Variants in GRM3 observed in about 807,000 individuals in gnomAD.
The protein encoded by GRM3 is metabotropic glutamate receptor 3.
In GRM3, 26 loss-of-function variants were observed where a neutral mutation model predicts 70.5. That is an observed-to-expected ratio of 0.37 (90% CI 0.27 to 0.51). The LOEUF (loss-of-function observed/expected upper bound fraction) is 0.51. Among genes scored for constraint, GRM3 ranks in the 20% least tolerant of loss-of-function variants. The pLI is 0.93. For missense variants in GRM3, 859 were observed against 1,123.8 expected, an observed-to-expected ratio of 0.76 and a Z score of 3.37; for synonymous variants, 443 against 434.9, an observed-to-expected ratio of 1.02 and a Z score of -0.23.
chr7:86,661,879 A>G (rs1793902664), intron 1 of GRM3, among the ~76,000 whole-genome samples: 1 of 151,888 alleles, frequency 6.6e-6, no homozygotes, highest in African/African-American at 2.4e-5. Context: ...ATTCCTCCAT[A>G]AAGCATAATA....
intron 1 of GRM3, among the ~76,000 whole-genome samples, chr7:86,704,466 A>G (rs1440368988): frequency 6.6e-6 from 1 of 151,942 alleles, no homozygotes; most frequent in Admixed American, 6.6e-5. Context: ...GAACAAAAAC[A>G]TACTTAATAT....
chr7:86,683,184 A>G (rs1794483076), intron 1 of GRM3, among the ~76,000 whole-genome samples: 2 of 152,178 alleles, frequency 1.3e-5, no homozygotes, highest in African/African-American at 4.8e-5. Context: ...TATCTCCTTG[A>G]CTATGACAGA....
At chr7:86,857,595 G>A (rs1464673962) in intron 5 of GRM3, among the ~76,000 whole-genome samples, 1 of 152,172 alleles carries the variant, frequency 6.6e-6, no homozygotes, top group East Asian at 1.9e-4. Context: ...TAAAGGTGAA[G>A]CTAACAGGAT....
chr7:86,648,649 T>C lies in GRM3; in HGVS notation c.-141+3777T>C, dbSNP rs1000546531. 4.6e-5 allele frequency among the ~76,000 whole-genome samples: 7 copies of C among 152,012 alleles called. No homozygotes were observed. The South Asian group carries it at 1.5e-3, about 32-fold the overall frequency. On this transcript the variant is annotated intron_variant, in intron 1 of 5. Coordinates refer to ENST00000361669, the MANE Select transcript of GRM3 (RefSeq NM_000840.3). The stretch of plus-strand genomic sequence containing the variant: ...CATTATGAAAAGTAAGCTTACATCA[T>C]GCATATATCAATGTGGAATGTATTT...
intron 1 of GRM3, among the ~76,000 whole-genome samples, chr7:86,708,478 C>T (rs1301931121): frequency 1.3e-5 from 2 of 152,166 alleles, no homozygotes; most frequent in Non-Finnish European, 2.9e-5. Flanking sequence ...GCATGTTGCC[C>T]TCCATTGAGG....
rs113974448 is a variant in GRM3 at position 86,651,638 on chromosome 7, G to A, written c.-141+6766G>A. On this transcript the variant is annotated intron_variant, in intron 1 of 5. Transcript: ENST00000361669. ...TTATGCATTAATCCCAGTGATTTCT[G>A]TGGAATCCACATATATGGACTGGTG... Among the ~76,000 whole-genome samples, 1,046 of 152,214 alleles carry A rather than the reference G, an allele frequency of 6.9e-3. 19 individuals are homozygous for A. Among genetic ancestry groups the A allele is most frequent in the African/African-American group, 0.024 (981 of 41,534 alleles).
chr7:86,655,820 C>T (rs1327802020), intron 1 of GRM3, among the ~76,000 whole-genome samples: 1 of 144,442 alleles, frequency 6.9e-6, no homozygotes, highest in Non-Finnish European at 1.5e-5. Flanking sequence ...AAGGCTAACT[C>T]TGTGTGTGTG....
At chr7:86,666,030 C>T (rs1356527756) in intron 1 of GRM3, among the ~76,000 whole-genome samples, 1 of 151,996 alleles carries the variant, frequency 6.6e-6, no homozygotes, top group Non-Finnish European at 1.5e-5. Context: ...GTAATCATAA[C>T]TTTCTGAGAG....
chr7:86,710,072 T>G (rs1584184406), intron 1 of GRM3: 1 of 152,228 alleles, frequency 6.6e-6, no homozygotes, highest in Non-Finnish European at 1.5e-5. Context: ...AAGCCAAATT[T>G]GAGTATGACC....
chr7:86,853,277 CG>C (rs1798787421), intron 5 of GRM3, among the ~76,000 whole-genome samples: 1 of 152,024 alleles, frequency 6.6e-6, no homozygotes, highest in Admixed American at 6.6e-5. Context: ...ATACCAGGTC[CG>C]GGTAAAATGT....
chr7:86,673,348 C>A (rs1048560300), intron 1 of GRM3, among the ~76,000 whole-genome samples: 4 of 152,086 alleles, frequency 2.6e-5, no homozygotes, highest in African/African-American at 9.7e-5. Context: ...GAGAATGATT[C>A]CTCTCAATTA....
chr7:86,770,520 A>T (rs1314829888), intron 2 of GRM3, among the ~76,000 whole-genome samples: 1 of 152,132 alleles, frequency 6.6e-6, no homozygotes, highest in Non-Finnish European at 1.5e-5. Context: ...AATCCATTGC[A>T]GTAAATTTCA....
chr7:86,814,648 C>T (rs574709792), intron 3 of GRM3, among the ~76,000 whole-genome samples: 1 of 151,740 alleles, frequency 6.6e-6, no homozygotes, highest in South Asian at 2.1e-4. Flanking sequence ...TGAAGAGGGT[C>T]GAAATTGTTA....
chr7:86,808,772 G>A (rs1402956727), intron 3 of GRM3, among the ~76,000 whole-genome samples: 1 of 152,086 alleles, frequency 6.6e-6, no homozygotes, highest in Non-Finnish European at 1.5e-5. Context: ...ATATGGGGGA[G>A]AGCTTCACAG....
intron 1 of GRM3, among the ~76,000 whole-genome samples, chr7:86,688,699 T>C (rs1476531503): frequency 6.7e-6 from 1 of 149,394 alleles, no homozygotes; most frequent in African/African-American, 2.4e-5. Context: ...CATATATATA[T>C]ATGAGAAATA....
chr7:86,864,269 CT>C lies in GRM3; in HGVS notation c.2567-10del, dbSNP rs1398967728. 7 of 1,436,504 alleles carry C rather than the reference CT, an allele frequency of 4.9e-6. No homozygotes were observed. Among genetic ancestry groups the C allele is most frequent in the Non-Finnish European group, 6.9e-6 (7 of 1,017,860 alleles). The allele number at this position is 1,436,504 out of a possible 1,614,324, so 89.0% of individuals were successfully genotyped here. A position where few individuals can be genotyped will look rare whatever the true frequency, so the allele number is the denominator to read the frequency against. Reference sequence around the variant, plus strand: ...GACTAACTTTGAGTTTTCTGTCCCACTTTGTTTTCCAGCCTCTGCAAGCACG... The same window carrying C: ...GACTAACTTTGAGTTTTCTGTCCCACTTGTTTTCCAGCCTCTGCAAGCACG... On this transcript the variant is annotated splice_polypyrimidine_tract_variant and intron_variant, in intron 5 of 5. Transcript: ENST00000361669.
intron 1 of GRM3, among the ~76,000 whole-genome samples, chr7:86,648,187 GTATAAC>G (rs72050826): frequency 0.096 from 14,644 of 152,142 alleles, 774 homozygotes; most frequent in South Asian, 0.17. Context: ...TTATATATGT[GTATAAC>G]TATATGTTCC....
chr7:86,850,623 T>C, intron 5 of GRM3, 79 bp downstream of exon 5: 3 of 901,382 alleles, frequency 3.3e-6, no homozygotes, highest in Non-Finnish European at 5.5e-6. Context: ...AGGCAACACA[T>C]GTCTGTCCCC....
chr7:86,848,067 T>G (rs957976367), intron 4 of GRM3, among the ~76,000 whole-genome samples: 3 of 152,178 alleles, frequency 2.0e-5, no homozygotes, highest in African/African-American at 7.2e-5. Flanking sequence ...GAGGCTCAGT[T>G]CTGGTGCTGG....
Sources: gnomAD v4.1 joint callset for allele counts (sites outside exome capture counted in the v4.1 genomes callset) on GRCh38, gnomAD v4.1.1 for gene constraint, MANE v1.5 for transcripts, NCBI Gene and HGNC (gene_info 2026-07-23, HGNC 2026-07-21) for gene names.